TAFA2: variants seen among roughly 807,000 people sequenced by gnomAD.
TAFA2 encodes TAFA chemokine like family member 2.
Under a neutral mutation model 18.8 loss-of-function variants are expected in TAFA2, and 7 were observed. That is an observed-to-expected ratio of 0.37 (90% CI 0.21 to 0.70). TAFA2 has a LOEUF of 0.70. Ranked by LOEUF, TAFA2 falls within the 30% of genes least tolerant of loss-of-function variation. The probability of loss-of-function intolerance (pLI) is 0.53; values close to 1 mark genes in which losing one functional copy is unlikely to be tolerated. For missense variants in TAFA2, 122 were observed against 158.1 expected (o/e 0.77, Z 1.23); for synonymous variants, 60 against 54.2 (o/e 1.11, Z -0.47).
intron 1 of TAFA2, among the ~76,000 whole-genome samples, chr12:62,124,012 G>T (rs1233951287): frequency 6.6e-6 from 1 of 151,980 alleles, no homozygotes; most frequent in Admixed American, 6.6e-5. Context: ...GCAACAATTT[G>T]GAAACAGAAA....
chr12:61,981,982 C>T (rs1879651137), intron 1 of TAFA2, among the ~76,000 whole-genome samples: 1 of 152,178 alleles, frequency 6.6e-6, no homozygotes, highest in Non-Finnish European at 1.5e-5. Flanking sequence ...TATAAAGACA[C>T]ATGCACATGT....
At chr12:61,879,450 C>A in intron 1 of TAFA2, 1 of 690,854 alleles carries the variant, frequency 1.4e-6, no homozygotes, top group South Asian at 1.5e-5. Context: ...TGGGCAGCAG[C>A]AGCTTCCAGG....
chr12:62,053,398 T>TA (rs1224589328), intron 1 of TAFA2, among the ~76,000 whole-genome samples: 4 of 151,988 alleles, frequency 2.6e-5, no homozygotes, highest in Non-Finnish European at 5.9e-5. Context: ...TTTATGCATA[T>TA]AAAAAAAGAA....
At position 61,933,282 on chromosome 12, in the gene TAFA2, A is replaced by T. The variant is rs114012031; in HGVS notation, c.-1-65856T>A. 2.3e-3 allele frequency among the ~76,000 whole-genome samples: 344 copies of T among 152,314 alleles called. 1 individual carries two copies. Among genetic ancestry groups the T allele is most frequent in the African/African-American group, 8.0e-3 (332 of 41,572 alleles). ...AATCTGTTAAAGATTCTTTAAAAACATCTTTAACAGCTATGAGATATAGTT... is the reference window on the plus strand; with the variant it reads ...AATCTGTTAAAGATTCTTTAAAAACTTCTTTAACAGCTATGAGATATAGTT... On this transcript the variant is annotated intron_variant, in intron 1 of 4. Transcript: ENST00000416284.
intron 1 of TAFA2, among the ~76,000 whole-genome samples, chr12:61,966,931 T>C (rs986809810): frequency 6.6e-6 from 1 of 151,932 alleles, no homozygotes; most frequent in Non-Finnish European, 1.5e-5. Context: ...CACTTTTCTA[T>C]ATGCATCTTT....
chr12:61,970,509 A>G (rs1042272002), intron 1 of TAFA2, among the ~76,000 whole-genome samples: 6 of 121,902 alleles, frequency 4.9e-5, no homozygotes, highest in Admixed American at 1.9e-4. Flanking sequence ...CAAGAAATGA[A>G]TCATTTTGGC....
At chr12:61,963,975 G>GGGGAA (rs1280243268) in intron 1 of TAFA2, among the ~76,000 whole-genome samples, 5 of 151,852 alleles carry the variant, frequency 3.3e-5, no homozygotes, top group African/African-American at 9.6e-5. Flanking sequence ...AACAAGCAAT[G>GGGGAA]AGGATTCCCT....
At chr12:61,925,179 A>G (rs946478263) in intron 1 of TAFA2, among the ~76,000 whole-genome samples, 2 of 152,188 alleles carry the variant, frequency 1.3e-5, no homozygotes, top group Admixed American at 1.3e-4. Context: ...CAGATCAACA[A>G]GATGTAAAAT....
At chr12:62,076,126 CA>C (rs1226176345) in intron 1 of TAFA2, among the ~76,000 whole-genome samples, 8 of 152,050 alleles carry the variant, frequency 5.3e-5, no homozygotes, top group African/African-American at 1.9e-4. Flanking sequence ...TTGTACTTTT[CA>C]AAAGGGAAGT....
intron 1 of TAFA2, among the ~76,000 whole-genome samples, chr12:62,063,253 A>C (rs965659513): frequency 6.6e-6 from 1 of 152,174 alleles, no homozygotes. Context: ...ATTGGTTATA[A>C]TCTCTTACTA....
intron 1 of TAFA2, chr12:62,235,548 A>G: frequency 2.5e-6 from 1 of 401,318 alleles, no homozygotes; most frequent in South Asian, 4.4e-5. Flanking sequence ...TCTCTGCTGA[A>G]CAGACAGGGA....
At chr12:62,074,024 T>C (rs1882699055) in intron 1 of TAFA2, among the ~76,000 whole-genome samples, 1 of 152,266 alleles carries the variant, frequency 6.6e-6, no homozygotes, top group South Asian at 2.1e-4. Flanking sequence ...AGTACAAACT[T>C]GCTTCCAGTT....
In TAFA2 at chr12:62,231,758, T is replaced by A. The variant is rs191499914; in HGVS notation, c.-130+27005A>T. Among the ~76,000 whole-genome samples, 1,154 of 152,242 alleles carry A rather than the reference T, an allele frequency of 7.6e-3. 12 individuals are homozygous for A. The highest frequency in any genetic ancestry group is 0.026 in the African/African-American group (1,083 of 41,538). ...ATCACTATACTTAAGAACGGATACG[T>A]TATGTGGTAAAAACAATAAATAGCT... On this transcript the variant is annotated intron_variant, in intron 1 of 5. Coordinates refer to the TAFA2 transcript ENST00000551619.
At chr12:62,123,991 G>A (rs1213429123) in intron 1 of TAFA2, among the ~76,000 whole-genome samples, 1 of 152,054 alleles carries the variant, frequency 6.6e-6, no homozygotes, top group East Asian at 1.9e-4. Context: ...AAGCTGACTA[G>A]CCTACAAGAT....
chr12:62,040,958 A>G (rs1264690772), intron 1 of TAFA2, among the ~76,000 whole-genome samples: 1 of 152,186 alleles, frequency 6.6e-6, no homozygotes, highest in Non-Finnish European at 1.5e-5. Context: ...ATCTCAAAAT[A>G]TTTTTGAGCA....
chr12:61,859,736 C>G (rs1478617090), intron 2 of TAFA2, among the ~76,000 whole-genome samples: 1 of 152,134 alleles, frequency 6.6e-6, no homozygotes, highest in Non-Finnish European at 1.5e-5. Context: ...GCCACCACGC[C>G]CCGCCCAGAA....
chr12:62,023,969 T>C (rs1189933212), intron 1 of TAFA2, among the ~76,000 whole-genome samples: 1 of 152,246 alleles, frequency 6.6e-6, no homozygotes, highest in Non-Finnish European at 1.5e-5. Flanking sequence ...GTCGAAAGTT[T>C]AGATAACTTT....
At chr12:61,838,032 G>A (rs1403068759) in intron 2 of TAFA2, among the ~76,000 whole-genome samples, 1 of 151,910 alleles carries the variant, frequency 6.6e-6, no homozygotes, top group East Asian at 1.9e-4. Flanking sequence ...ATGTGGGCAT[G>A]GGCATTTGAT....
At chr12:62,258,014 G>A (rs2062948803) in intron 1 of TAFA2, among the ~76,000 whole-genome samples, 2 of 152,128 alleles carry the variant, frequency 1.3e-5, no homozygotes, top group African/African-American at 2.4e-5. Context: ...AAAAATTGAA[G>A]TTTACCCAAA....
Sources: gnomAD v4.1 joint callset for allele counts (sites outside exome capture counted in the v4.1 genomes callset) on GRCh38, gnomAD v4.1.1 for gene constraint, MANE v1.5 for transcripts, NCBI Gene and HGNC (gene_info 2026-07-23, HGNC 2026-07-21) for gene names.